Variants in PLPPR3 observed in about 807,000 individuals in gnomAD.
PLPPR3 encodes phospholipid phosphatase-related protein type 3.
PLPPR3 carries 14 observed loss-of-function variants against 27.3 expected under a neutral mutation model. The observed-to-expected ratio is 0.51, with a 90% CI of 0.34 to 0.80. The LOEUF (loss-of-function observed/expected upper bound fraction) is 0.80. Ranked by LOEUF, PLPPR3 falls within the 30% of genes least tolerant of loss-of-function variation. PLPPR3 has a pLI of 0.01. For synonymous variants in PLPPR3, 671 were observed against 508.0 expected (o/e 1.32, Z -4.32); for missense variants, 1,287 against 1,056.9 (o/e 1.22, Z -3.02).
At position 814,621 on chromosome 19, in the gene PLPPR3, G is replaced by A. The variant is rs754364096; in HGVS notation, c.658-14C>T. 6.2e-7 allele frequency: 1 copy of A among 1,611,492 alleles called. No homozygotes were observed. The stretch of plus-strand genomic sequence containing the variant: ...GTTGAAGTACATCTGGGGCATGGGG[G>A]TTGGGGTCAGGGAGGGCTCCCCACG... On this transcript the variant is annotated splice_polypyrimidine_tract_variant and intron_variant, in intron 6 of 7. Transcript: ENST00000520876.
intron 2 of PLPPR3, among the ~76,000 whole-genome samples, chr19:816,197 C>T (rs1271205533): frequency 2.6e-5 from 4 of 151,156 alleles, no homozygotes; most frequent in Non-Finnish European, 5.9e-5. Flanking sequence ...CACCCATTCT[C>T]CACCCATGCA....
chr19:819,597 G>T (rs927906023), intron 2 of PLPPR3, among the ~76,000 whole-genome samples: 1 of 152,084 alleles, frequency 6.6e-6, no homozygotes, highest in Non-Finnish European at 1.5e-5. Context: ...TCCTGCAACA[G>T]GAATTTAAGT....
intron 2 of PLPPR3, 32 bp downstream of exon 2, chr19:821,453 C>A: frequency 7.1e-7 from 1 of 1,410,580 alleles, no homozygotes; most frequent in South Asian, 1.3e-5. Flanking sequence ...ACCGAGGCGT[C>A]TCCCCCGGGC....
chr19:819,515 C>T (rs2035114389), intron 2 of PLPPR3, among the ~76,000 whole-genome samples: 1 of 151,922 alleles, frequency 6.6e-6, no homozygotes, highest in Non-Finnish European at 1.5e-5. Flanking sequence ...GTCTCGAACT[C>T]CTGACCTTAG....
chr19:813,163 T>C lies in PLPPR3; in HGVS notation c.1564A>G (p.Met522Val). ...ACTGCCGCCCCGCTCTTCTCGGCCATCATGAGCCACTTGGCGCGCACCCCG... is the reference window on the plus strand; with the variant it reads ...ACTGCCGCCCCGCTCTTCTCGGCCACCATGAGCCACTTGGCGCGCACCCCG... ...GAGVRAKWLMMAEKSGAAVAN... is the reference protein window; with the variant it reads ...GAGVRAKWLMVAEKSGAAVAN... The change falls in exon 8 of 8, where the codon ATG (methionine) becomes GTG (valine). Residue 522 changes from methionine to valine, a missense_variant. Coordinates refer to ENST00000520876, the MANE Select transcript of PLPPR3 (RefSeq NM_001270366.2). The surrounding 1 kb of genome is among the most constrained non-coding windows in gnomAD (Gnocchi z 4.1). 6.6e-7 allele frequency: 1 copy of C among 1,521,492 alleles called. No individual in the cohort carries two copies. The highest frequency in any genetic ancestry group is 8.7e-7 in the Non-Finnish European group (1 of 1,145,308). 94.2% of individuals were successfully genotyped at this position (1,521,492 alleles called of 1,614,324 possible). A position where few individuals can be genotyped will look rare whatever the true frequency, so the allele number is the denominator to read the frequency against.
chr19:813,059 C>G lies in PLPPR3; in HGVS notation c.1668G>C (p.Thr556=). 2.0e-6 allele frequency: 3 copies of G among 1,500,760 alleles called. No homozygotes were observed. Among genetic ancestry groups the G allele is most frequent in the Non-Finnish European group, 2.6e-6 (3 of 1,135,314 alleles). 93.0% of individuals were successfully genotyped at this position (1,500,760 alleles called of 1,614,324 possible). Reference sequence around the variant, plus strand: ...CGGAGCTGGCGCTGGACGACGACGCCGTCTCGGCCGCCTTGGGGCCCGGCG... The same window carrying G: ...CGGAGCTGGCGCTGGACGACGACGCGGTCTCGGCCGCCTTGGGGCCCGGCG... ...PGAPGPKAAE[T]ASSSSASSDS... The change falls in exon 8 of 8, where the codon ACG becomes ACC. Residue 556 remains threonine (T), a synonymous_variant. Coordinates refer to ENST00000520876, the MANE Select transcript of PLPPR3 (RefSeq NM_001270366.2). The surrounding 1 kb of genome is among the most constrained non-coding windows in gnomAD (Gnocchi z 4.1).
chr19:820,332 C>T (rs560868402), intron 2 of PLPPR3, among the ~76,000 whole-genome samples: 118 of 151,810 alleles, frequency 7.8e-4, no homozygotes, highest in African/African-American at 2.7e-3. Flanking sequence ...TAAAGGCACG[C>T]AGCACACGCC....
chr19:813,745 G>C lies in PLPPR3; in HGVS notation c.982C>G (p.Pro328Ala). 1 of 1,526,204 alleles carries C rather than the reference G, an allele frequency of 6.6e-7. No individual in the cohort carries two copies. Among genetic ancestry groups the C allele is most frequent in the South Asian group, 1.2e-5 (1 of 83,156 alleles). 94.5% of individuals were successfully genotyped at this position (1,526,204 alleles called of 1,614,324 possible). The change falls in exon 8 of 8, where the codon CCC (proline) becomes GCC (alanine). Residue 328 changes from proline (P) to alanine (A), a missense_variant. Transcript: ENST00000520876. The surrounding 1 kb of genome is among the most constrained non-coding windows in gnomAD (Gnocchi z 4.1). ...NKSVSTDELG[P>A]PGRLEGAPRP... ...GGCGCGCCCTCCAGCCGCCCTGGGG[G>C]CCCCAGCTCGTCGGTGCTCACCGAC... is the stretch of plus-strand genomic sequence containing the variant.
At position 812,786 on chromosome 19, in the gene PLPPR3, G is replaced by C; in HGVS notation, c.1941C>G (p.Asp647Glu). 3 of 1,089,412 alleles carry C rather than the reference G, an allele frequency of 2.8e-6. No individual in the cohort carries two copies. Among genetic ancestry groups the C allele is most frequent in the Admixed American group, 5.4e-5 (1 of 18,672 alleles). 67.5% of individuals were successfully genotyped at this position (1,089,412 alleles called of 1,614,324 possible). A position where few individuals can be genotyped will look rare whatever the true frequency, so the allele number is the denominator to read the frequency against. The change falls in exon 8 of 8, where the codon GAC becomes GAG. Residue 647 changes from aspartate (D) to glutamate (E), a missense_variant. By Grantham distance (45) the Asp-to-Glu change is conservative. Coordinates refer to ENST00000520876, the MANE Select transcript of PLPPR3 (RefSeq NM_001270366.2). ...VSPGSSVSDV[D>E]QEEPRFGAVA... ...CGGCCCCGAACCGCGGCTCCTCCTG[G>C]TCCACGTCGCTGACCGACGAGCCGG...
Position 813,301 on chromosome 19 carries a change from G to A in PLPPR3, c.1426C>T (p.Pro476Ser). The change falls in exon 8 of 8, where the codon CCG becomes TCG. Residue 476 changes from proline to serine, a missense_variant. Transcript: ENST00000520876. This position sits in a 1 kb window ranked among gnomAD's most constrained non-coding sequence, Gnocchi z 4.1. ...PSLYPTVQAR[P>S]GLGPRVILPP... The stretch of plus-strand genomic sequence containing the variant: ...AGGATGACCCGAGGCCCCAGCCCCG[G>A]CCGCGCCTGCACGGTGGGGTAGAGC... The A allele has an allele frequency of 2.1e-6, 3 of 1,459,408 alleles. 1 individual carries two copies. The South Asian group carries it at 4.1e-5, about 20-fold the overall frequency. 90.4% of individuals were successfully genotyped at this position (1,459,408 alleles called of 1,614,324 possible).
rs770087034 is a variant in PLPPR3 at position 813,848 on chromosome 19, G to A, written c.879C>T (p.Pro293=). 1.7e-5 allele frequency: 25 copies of A among 1,466,834 alleles called. No homozygotes were observed. Among genetic ancestry groups the A allele is most frequent in the Admixed American group, 2.6e-5 (1 of 38,348 alleles). 90.9% of individuals were successfully genotyped at this position (1,466,834 alleles called of 1,614,324 possible). A position where few individuals can be genotyped will look rare whatever the true frequency, so the allele number is the denominator to read the frequency against. Residue 293 remains proline, a synonymous_variant, in exon 8 of 8, where the codon CCC becomes CCT. Coordinates refer to ENST00000520876, the MANE Select transcript of PLPPR3 (RefSeq NM_001270366.2). The surrounding 1 kb of genome is among the most constrained non-coding windows in gnomAD (Gnocchi z 4.1). ...CGTCCTTGGCGGGGGCCGGGGCCGCGGGCTTCTCTGCAGGTGGGGCCTGGA... is the reference window on the plus strand; with the variant it reads ...CGTCCTTGGCGGGGGCCGGGGCCGCAGGCTTCTCTGCAGGTGGGGCCTGGA... ...GNFQAPPAEK[P]AAPAPAKDAL... is the part of the protein sequence containing the mutation.
At chr19:816,835 A>G (rs2035069757) in intron 2 of PLPPR3, among the ~76,000 whole-genome samples, 1 of 149,744 alleles carries the variant, frequency 6.7e-6, no homozygotes, top group Non-Finnish European at 1.5e-5. Context: ...TCACCTAGCC[A>G]TTCATTCATC....
intron 2 of PLPPR3, among the ~76,000 whole-genome samples, chr19:816,499 A>AT (rs2035059208): frequency 6.9e-6 from 1 of 145,280 alleles, no homozygotes. Context: ...CCATTCATTC[A>AT]CCCATCCATC....
At chr19:817,921 T>C (rs1254139317) in intron 2 of PLPPR3, among the ~76,000 whole-genome samples, 2 of 152,154 alleles carry the variant, frequency 1.3e-5, no homozygotes, top group Non-Finnish European at 2.9e-5. Context: ...AATGATAAAG[T>C]AGCCGCCTCC....
rs545927916 is a variant in PLPPR3 at position 818,790 on chromosome 19, T to C, written c.75+2695A>G. Among the ~76,000 whole-genome samples the C allele has an allele frequency of 5.9e-5, 9 of 151,960 alleles. No homozygotes were observed. The South Asian group carries it at 8.3e-4, about 14-fold the overall frequency. On this transcript the variant is annotated intron_variant, in intron 2 of 7. Transcript: ENST00000520876. Reference sequence around the variant, plus strand: ...CCTCATGATCCGCCCACCTAGGCCTTCCAAAGTGCTGGGATGACAGGCGTG... The same window carrying C: ...CCTCATGATCCGCCCACCTAGGCCTCCCAAAGTGCTGGGATGACAGGCGTG...
rs758653450 is a variant in PLPPR3, at chr19:813,178, C to A, written c.1549G>T (p.Ala517Ser). ...LSPKSGAGVR[A>S]KWLMMAEKSG... Reference sequence around the variant, plus strand: ...TTCTCGGCCATCATGAGCCACTTGGCGCGCACCCCGGCGCCGCTTTTGGGG... The same window carrying A: ...TTCTCGGCCATCATGAGCCACTTGGAGCGCACCCCGGCGCCGCTTTTGGGG... The change falls in exon 8 of 8, where the codon GCC (alanine) becomes TCC (serine). Residue 517 changes from alanine to serine, a missense_variant. Ala to Ser is a moderately conservative substitution (Grantham distance 99). Transcript: ENST00000520876. This position sits in a 1 kb window ranked among gnomAD's most constrained non-coding sequence, Gnocchi z 4.1. 18 of 1,515,438 alleles carry A rather than the reference C, an allele frequency of 1.2e-5. No individual in the cohort carries two copies. The highest frequency in any genetic ancestry group is 1.5e-5 in the Non-Finnish European group (17 of 1,142,618). The allele number at this position is 1,515,438 out of a possible 1,614,324, so 93.9% of individuals were successfully genotyped here.
Position 813,986 on chromosome 19 carries a change from G to C in PLPPR3, c.832-91C>G. On this transcript the variant is annotated intron_variant, in intron 7 of 7. Transcript: ENST00000520876. The surrounding 1 kb of genome is among the most constrained non-coding windows in gnomAD (Gnocchi z 4.1). ...GACTTGCCGCGGGGGGCTCTGGACC[G>C]GGGGTGGGGGCTGGCAAGCTCTTGT... The C allele has an allele frequency of 7.8e-7, 1 of 1,279,282 alleles. No individual in the cohort carries two copies. The highest frequency in any genetic ancestry group is 1.0e-6 in the Non-Finnish European group (1 of 972,634). 79.2% of individuals were successfully genotyped at this position (1,279,282 alleles called of 1,614,324 possible). A position where few individuals can be genotyped will look rare whatever the true frequency, so the allele number is the denominator to read the frequency against.
chr19:817,616 A>G (rs905740062), intron 2 of PLPPR3, among the ~76,000 whole-genome samples: 1 of 152,108 alleles, frequency 6.6e-6, no homozygotes, highest in Non-Finnish European at 1.5e-5. Flanking sequence ...GCATCTTAGC[A>G]GGGGTTCAGC....
At chr19:815,473 G>T in intron 3 of PLPPR3, 146 bp from the exon 4 acceptor site, 1 of 1,067,146 alleles carries the variant, frequency 9.4e-7, no homozygotes, top group Non-Finnish European at 1.3e-6. Flanking sequence ...CAGCCGTGGT[G>T]CCCACAGGCT....
Sources: gnomAD v4.1 joint callset for allele counts (sites outside exome capture counted in the v4.1 genomes callset) on GRCh38, gnomAD v4.1.1 for gene constraint, Gnocchi (gnomAD v3.1) non-coding constraint, MANE v1.5 for transcripts, NCBI Gene and HGNC (gene_info 2026-07-23, HGNC 2026-07-21) for gene names.